MRTFA: variants seen among roughly 807,000 people sequenced by gnomAD.
The protein encoded by MRTFA is myocardin-related transcription factor A.
MRTFA carries 20 observed loss-of-function variants against 83.5 expected under a neutral mutation model. The ratio of observed to expected loss-of-function variants is 0.24; its 90% confidence interval spans 0.17 to 0.35. The LOEUF (loss-of-function observed/expected upper bound fraction) is 0.35. Among genes scored for constraint, MRTFA ranks in the 10% least tolerant of loss-of-function variants. The probability of loss-of-function intolerance (pLI) is 1.00; values close to 1 mark genes in which losing one functional copy is unlikely to be tolerated. For missense variants in MRTFA, 1,200 were observed against 1,224.7 expected (o/e 0.98, Z 0.30); for synonymous variants, 659 against 541.2 (o/e 1.22, Z -3.02).
chr22:40,480,677 G>T lies in MRTFA; in HGVS notation c.242-17391C>A, dbSNP rs555463897. Among the ~76,000 whole-genome samples, 3 of 151,382 alleles carry T rather than the reference G, an allele frequency of 2.0e-5. No individual in the cohort carries two copies. The South Asian group carries it at 6.3e-4, about 32-fold the overall frequency. On this transcript the variant is annotated intron_variant, in intron 3 of 14. Transcript: ENST00000355630. ...AAGGTTATTCAGGCTGGGCATGATG[G>T]TTCGCACCTGTAATCCCTGCACTTT... is the stretch of plus-strand genomic sequence containing the variant.
chr22:40,577,610 T>A (rs1273325756), intron 2 of MRTFA, among the ~76,000 whole-genome samples: 35 of 104,254 alleles, frequency 3.4e-4, no homozygotes, highest in Admixed American at 1.5e-3. Flanking sequence ...CTACATCTGA[T>A]TTTTTTTTTT....
At chr22:40,530,565 G>A (rs1292870211) in intron 3 of MRTFA, among the ~76,000 whole-genome samples, 1 of 152,214 alleles carries the variant, frequency 6.6e-6, no homozygotes, top group African/African-American at 2.4e-5. Flanking sequence ...CTAAAGTGCT[G>A]GGATTACAGG....
At chr22:40,474,409 TA>T (rs1261302538) in intron 3 of MRTFA, among the ~76,000 whole-genome samples, 1 of 152,240 alleles carries the variant, frequency 6.6e-6, no homozygotes, top group Non-Finnish European at 1.5e-5. Context: ...TTTACGATGC[TA>T]AAACTCTTTG....
intron 3 of MRTFA, among the ~76,000 whole-genome samples, chr22:40,499,489 G>A (rs1312507252): frequency 6.6e-6 from 1 of 152,146 alleles, no homozygotes; most frequent in Non-Finnish European, 1.5e-5. Flanking sequence ...CTAACTGGCT[G>A]TAACTTGAGT....
intron 3 of MRTFA, chr22:40,522,674 C>T (rs1267768582): frequency 6.6e-6 from 1 of 152,188 alleles, no homozygotes; most frequent in Admixed American, 6.6e-5. Flanking sequence ...CACAGGTGTG[C>T]ACCACCATGC....
intron 4 of MRTFA, among the ~76,000 whole-genome samples, chr22:40,451,991 T>G (rs2053500704): frequency 1.5e-5 from 2 of 130,938 alleles, no homozygotes; most frequent in African/African-American, 5.5e-5. Context: ...TTTTTTTTTT[T>G]TTTTTTTTTT....
intron 4 of MRTFA, among the ~76,000 whole-genome samples, chr22:40,450,380 T>C (rs531063018): frequency 6.6e-6 from 1 of 152,148 alleles, no homozygotes; most frequent in Non-Finnish European, 1.5e-5. Context: ...CAAATGACAC[T>C]TCCACCACCT....
intron 2 of MRTFA, among the ~76,000 whole-genome samples, chr22:40,563,405 C>T (rs932507314): frequency 2.7e-5 from 4 of 150,280 alleles, no homozygotes; most frequent in Non-Finnish European, 5.9e-5. Context: ...AGATACAATA[C>T]TTGAAATTTA....
At chr22:40,580,755 C>T (rs1158527561) in intron 2 of MRTFA, among the ~76,000 whole-genome samples, 1 of 151,986 alleles carries the variant, frequency 6.6e-6, no homozygotes, top group African/African-American at 2.4e-5. Context: ...ATATGTTTTC[C>T]TTAGACAACA....
intron 3 of MRTFA, among the ~76,000 whole-genome samples, chr22:40,489,438 G>A (rs1000522016): frequency 9.9e-5 from 15 of 151,632 alleles, no homozygotes; most frequent in Non-Finnish European, 1.8e-4. Flanking sequence ...CTCCTGTGTA[G>A]CTGGGACCAC....
At chr22:40,517,776 A>T (rs1358750816) in intron 3 of MRTFA, among the ~76,000 whole-genome samples, 1 of 152,152 alleles carries the variant, frequency 6.6e-6, no homozygotes, top group Non-Finnish European at 1.5e-5. Flanking sequence ...TATGTTAATG[A>T]GCTGACTTTG....
chr22:40,414,609 A>T (rs2052636812), intron 14 of MRTFA, among the ~76,000 whole-genome samples: 1 of 152,214 alleles, frequency 6.6e-6, no homozygotes, highest in Admixed American at 6.5e-5. Context: ...ATGCTGAGTG[A>T]AATAAGCCAG....
intron 1 of MRTFA, among the ~76,000 whole-genome samples, chr22:40,608,494 A>G (rs1163820641): frequency 1.3e-5 from 2 of 152,192 alleles, no homozygotes; most frequent in Non-Finnish European, 2.9e-5. Flanking sequence ...CTTATGGGAT[A>G]ATTACAGTGC....
At chr22:40,525,327 A>T (rs932475183) in intron 3 of MRTFA, among the ~76,000 whole-genome samples, 4 of 152,078 alleles carry the variant, frequency 2.6e-5, no homozygotes, top group African/African-American at 4.8e-5. Context: ...AAATTATTTT[A>T]AAAAATTTTT....
intron 1 of MRTFA, among the ~76,000 whole-genome samples, chr22:40,609,425 G>A (rs2056358152): frequency 6.9e-6 from 1 of 145,742 alleles, no homozygotes; most frequent in African/African-American, 2.5e-5. Context: ...AGGCTATGGT[G>A]AGCTAAGACT....
intron 3 of MRTFA, among the ~76,000 whole-genome samples, chr22:40,529,537 G>A (rs964566748): frequency 9.9e-5 from 15 of 152,024 alleles, no homozygotes; most frequent in East Asian, 3.9e-4. Context: ...GGCTGGTCTC[G>A]AACTCCTGAC....
intron 2 of MRTFA, among the ~76,000 whole-genome samples, chr22:40,577,969 C>T (rs916738272): frequency 6.6e-6 from 1 of 150,870 alleles, no homozygotes; most frequent in Non-Finnish European, 1.5e-5. Context: ...CTTTTTTTCC[C>T]CCGAGACAGA....
At chr22:40,442,928 A>G (rs1053675263) in intron 4 of MRTFA, among the ~76,000 whole-genome samples, 2 of 152,180 alleles carry the variant, frequency 1.3e-5, no homozygotes, top group South Asian at 2.1e-4. Flanking sequence ...TAATGTGGCT[A>G]GAAGAATAAG....
At chr22:40,551,789 G>A (rs985941731) in intron 3 of MRTFA, among the ~76,000 whole-genome samples, 2 of 152,120 alleles carry the variant, frequency 1.3e-5, no homozygotes, top group African/African-American at 2.4e-5. Context: ...TAATGACAGA[G>A]GCTTGTTTAC....
Sources: allele counts gnomAD v4.1 joint callset (sites outside exome capture counted in the v4.1 genomes callset), GRCh38; gene constraint gnomAD v4.1.1; transcripts MANE v1.5; gene names NCBI Gene and HGNC (gene_info 2026-07-23, HGNC 2026-07-21).